ZFHX3: variants seen among roughly 807,000 people sequenced by gnomAD.
ZFHX3 encodes zinc finger homeobox protein 3.
ZFHX3 carries 42 observed loss-of-function variants against 279.1 expected under a neutral mutation model. The ratio of observed to expected loss-of-function variants is 0.15; its 90% CI spans 0.12 to 0.19. ZFHX3 has a LOEUF of 0.19. Among genes scored for constraint, ZFHX3 ranks in the 10% least tolerant of loss-of-function variants. The probability of loss-of-function intolerance (pLI) is 1.00; values close to 1 mark genes in which losing one functional copy is unlikely to be tolerated. For synonymous variants in ZFHX3, 2,293 were observed against 1,957.8 expected (o/e 1.17, Z -4.52); for missense variants, 4,981 against 4,754.0 (o/e 1.05, Z -1.40).
At chr16:72,844,839 T>C (rs2037437140) in intron 4 of ZFHX3, among the ~76,000 whole-genome samples, 1 of 152,158 alleles carries the variant, frequency 6.6e-6, no homozygotes, top group Non-Finnish European at 1.5e-5. Context: ...GAGAGGCAAG[T>C]AGACTGCCCC....
intron 2 of ZFHX3, among the ~76,000 whole-genome samples, chr16:73,651,537 T>C (rs1208939857): frequency 6.6e-6 from 1 of 151,492 alleles, no homozygotes; most frequent in Non-Finnish European, 1.5e-5. Flanking sequence ...AGAACAGTAA[T>C]AATATAATAA....
chr16:73,409,122 C>T (rs1389245555), intron 3 of ZFHX3, among the ~76,000 whole-genome samples: 1 of 152,198 alleles, frequency 6.6e-6, no homozygotes, highest in Non-Finnish European at 1.5e-5. Flanking sequence ...CCCAAATGAG[C>T]AGCTTACTTG....
intron 1 of ZFHX3, among the ~76,000 whole-genome samples, chr16:73,044,317 T>C (rs985243140): frequency 6.6e-6 from 1 of 152,162 alleles, no homozygotes; most frequent in Non-Finnish European, 1.5e-5. Flanking sequence ...CCATCCTGGT[T>C]AATTGCACCA....
chr16:72,787,048 T>TA lies in ZFHX3; in HGVS notation c.*115_*116insT. 9.9e-7 allele frequency: 1 copy of TA among 1,008,152 alleles called. No individual in the cohort carries two copies. The highest frequency in any genetic ancestry group is 1.3e-6 in the Non-Finnish European group (1 of 799,296). 62.5% of individuals were successfully genotyped at this position (1,008,152 alleles called of 1,614,324 possible). A position where few individuals can be genotyped will look rare whatever the true frequency, so the allele number is the denominator to read the frequency against. ...GCTTTTTCTTTTTTTTCTTTTTTTTTTTTTTTTTGTTTTTTGGTTAGAAGC... is the reference window on the plus strand; with the variant it reads ...GCTTTTTCTTTTTTTTCTTTTTTTTTATTTTTTTTGTTTTTTGGTTAGAAGC... On this transcript the variant is annotated 3_prime_UTR_variant, in exon 10 of 10. Coordinates refer to ENST00000268489, the MANE Select transcript of ZFHX3 (RefSeq NM_006885.4).
At chr16:72,866,111 G>T (rs2038016525) in intron 4 of ZFHX3, among the ~76,000 whole-genome samples, 2 of 152,228 alleles carry the variant, frequency 1.3e-5, no homozygotes, top group Admixed American at 1.3e-4. Flanking sequence ...GTGGACAGAT[G>T]AAATGAAAAT....
At chr16:73,476,399 C>T (rs2018766578) in intron 2 of ZFHX3, among the ~76,000 whole-genome samples, 1 of 152,124 alleles carries the variant, frequency 6.6e-6, no homozygotes, top group Non-Finnish European at 1.5e-5. Context: ...TACAAAGAAA[C>T]TCTTCAAAGG....
intron 2 of ZFHX3, among the ~76,000 whole-genome samples, chr16:73,590,895 ATAAAG>A (rs985546523): frequency 6.6e-6 from 1 of 152,154 alleles, no homozygotes; most frequent in African/African-American, 2.4e-5. Context: ...CTCATCCCCT[ATAAAG>A]TAATTTTTGG....
At chr16:72,819,663 T>G (rs1036605570) in intron 5 of ZFHX3, among the ~76,000 whole-genome samples, 1 of 152,194 alleles carries the variant, frequency 6.6e-6, no homozygotes, top group Non-Finnish European at 1.5e-5. Context: ...CCAGCAAGCA[T>G]GGGCCAATCT....
chr16:73,824,215 A>C (rs1247311134), intron 1 of ZFHX3, among the ~76,000 whole-genome samples: 1 of 152,160 alleles, frequency 6.6e-6, no homozygotes, highest in Non-Finnish European at 1.5e-5. Flanking sequence ...CGTGTCTCAA[A>C]TTTATTTGAT....
intron 4 of ZFHX3, among the ~76,000 whole-genome samples, chr16:72,855,539 G>A (rs955306662): frequency 3.9e-5 from 6 of 152,134 alleles, no homozygotes; most frequent in African/African-American, 7.2e-5. Context: ...GAACGAAAAC[G>A]GATTCATTCT....
Position 72,796,613 on chromosome 16 carries a change from T to C in ZFHX3, c.6069A>G (p.Arg2023=), listed in dbSNP as rs1367722267. Residue 2023 remains arginine, a synonymous_variant, in exon 9 of 10, where the codon AGA becomes AGG. Coordinates refer to ENST00000268489, the MANE Select transcript of ZFHX3 (RefSeq NM_006885.4). ...GTGGGTACAGTTTATCGTAGTGGTC[T>C]CTGTACTGTTTGGCAAACCTCTCGA... is the stretch of plus-strand genomic sequence containing the variant. ...KQLERFAKQY[R]DHYDKLYPLR... 58 of 1,613,918 alleles carry C rather than the reference T, an allele frequency of 3.6e-5. No homozygotes were observed. The highest frequency in any genetic ancestry group is 4.9e-5 in the Non-Finnish European group (58 of 1,180,032).
intron 1 of ZFHX3, among the ~76,000 whole-genome samples, chr16:73,838,418 A>C (rs1465696382): frequency 6.6e-6 from 1 of 152,228 alleles, no homozygotes; most frequent in Non-Finnish European, 1.5e-5. Flanking sequence ...TCCTCTTGCC[A>C]GCTCAAAAAA....
At chr16:73,416,861 G>A (rs1046899334) in intron 3 of ZFHX3, among the ~76,000 whole-genome samples, 16 of 151,860 alleles carry the variant, frequency 1.1e-4, no homozygotes, top group South Asian at 4.2e-4. Context: ...GCGACAGAGC[G>A]AGACTCCGTC....
chr16:73,218,607 A>G (rs2012296916), intron 5 of ZFHX3, among the ~76,000 whole-genome samples: 1 of 152,130 alleles, frequency 6.6e-6, no homozygotes, highest in African/African-American at 2.4e-5. Flanking sequence ...TGTCTCTACT[A>G]AAAACACAAA....
Position 73,331,522 on chromosome 16 carries a change from C to A in ZFHX3, c.-1290-13186G>T, listed in dbSNP as rs1050040698. ...TTCTTCTGTTGCCACAGAACAAAAC[C>A]ATGCTATCTGGTCTGTGCAGAGAGT... On this transcript the variant is annotated intron_variant, in intron 3 of 17. Coordinates refer to the ZFHX3 transcript ENST00000641206. 1.8e-4 allele frequency among the ~76,000 whole-genome samples: 28 copies of A among 152,108 alleles called. 1 individual carries two copies. Among genetic ancestry groups the A allele is most frequent in the Non-Finnish European group, 2.9e-5 (2 of 68,012 alleles).
intron 1 of ZFHX3, among the ~76,000 whole-genome samples, chr16:73,845,577 A>G (rs1271557270): frequency 2.0e-5 from 3 of 151,922 alleles, no homozygotes; most frequent in African/African-American, 7.2e-5. Flanking sequence ...AGAAAACCAG[A>G]TAACTAGCCC....
chr16:73,848,909 A>G (rs1234851583), intron 1 of ZFHX3, among the ~76,000 whole-genome samples: 1 of 152,212 alleles, frequency 6.6e-6, no homozygotes, highest in Admixed American at 6.5e-5. Context: ...TCCAGCATGC[A>G]ACTACAAGCC....
At chr16:73,215,890 T>C (rs567606784) in intron 5 of ZFHX3, among the ~76,000 whole-genome samples, 1 of 152,230 alleles carries the variant, frequency 6.6e-6, no homozygotes, top group South Asian at 2.1e-4. Flanking sequence ...TGTGTGTGTG[T>C]GCGTGTGTAT....
intron 1 of ZFHX3, among the ~76,000 whole-genome samples, chr16:73,763,429 A>G (rs1418513885): frequency 6.6e-6 from 1 of 152,200 alleles, no homozygotes; most frequent in Non-Finnish European, 1.5e-5. Context: ...TGAACTCACA[A>G]ATGATTCTGC....
Sources: allele counts gnomAD v4.1 joint callset (sites outside exome capture counted in the v4.1 genomes callset), GRCh38; gene constraint gnomAD v4.1.1; transcripts MANE v1.5; gene names NCBI Gene and HGNC (gene_info 2026-07-23, HGNC 2026-07-21).